ABCA7: variants seen among roughly 807,000 people sequenced by gnomAD.
ABCA7 encodes phospholipid-transporting ATPase ABCA7.
A neutral mutation model predicts 227.6 loss-of-function variants in ABCA7; 261 were observed. The ratio of observed to expected loss-of-function variants is 1.15; its 90% CI spans 1.04 to 1.27. The LOEUF (loss-of-function observed/expected upper bound fraction) is 1.27. ABCA7 is among the 50% of genes most tolerant of loss of function. The pLI is 0.00. For missense variants in ABCA7, 3,331 were observed against 2,924.5 expected, an observed-to-expected ratio of 1.14 and a Z score of -3.21; for synonymous variants, 1,488 against 1,279.7, an observed-to-expected ratio of 1.16 and a Z score of -3.47.
At chr19:1,060,207 A>ATATATATATATATATATATATATTT in intron 40 of ABCA7, among the ~76,000 whole-genome samples, 4 of 96,768 alleles carry the variant, frequency 4.1e-5, no homozygotes, top group African/African-American at 1.4e-4. Context: ...ATATATATAT[A>ATATATATATATATATATATATATTT]TTTTTTTTTC....
intron 17 of ABCA7, 73 bp downstream of exon 17, chr19:1,049,078 A>G (rs2041090195): frequency 5.2e-6 from 5 of 970,576 alleles, no homozygotes; most frequent in Non-Finnish European, 7.7e-6. Flanking sequence ...GATTCCACAG[A>G]TGCCAATGAC....
chr19:1,055,691 T>C (rs1226628389), intron 30 of ABCA7, among the ~76,000 whole-genome samples: 3 of 151,984 alleles, frequency 2.0e-5, no homozygotes, highest in Non-Finnish European at 4.4e-5. Flanking sequence ...TTAGTAGAGA[T>C]GGGGTTTCAC....
chr19:1,046,211 CA>C lies in ABCA7; in HGVS notation c.1446-18del. On this transcript the variant is annotated intron_variant, in intron 12 of 46. Coordinates refer to ENST00000263094, the MANE Select transcript of ABCA7 (RefSeq NM_019112.4). ...TTTCTAGCCCTTCCCTACAACCGGCCACCATGCCCCTCTCGCAGGTTTTGGG... is the reference window on the plus strand; with the variant it reads ...TTTCTAGCCCTTCCCTACAACCGGCCCCATGCCCCTCTCGCAGGTTTTGGG... The C allele has an allele frequency of 6.2e-7, 1 of 1,603,576 alleles. No homozygotes were observed. Among genetic ancestry groups the C allele is most frequent in the South Asian group, 1.1e-5 (1 of 90,922 alleles).
rs1445479547 is a variant in ABCA7 at position 1,056,761 on chromosome 19, G to T, written c.4587-146G>T. 1 of 1,009,076 alleles carries T rather than the reference G, an allele frequency of 9.9e-7. No homozygotes were observed. The highest frequency in any genetic ancestry group is 1.5e-6 in the Non-Finnish European group (1 of 671,352). The allele number at this position is 1,009,076 out of a possible 1,614,324, so 62.5% of individuals were successfully genotyped here. On this transcript the variant is annotated intron_variant, in intron 33 of 46. Coordinates refer to ENST00000263094, the MANE Select transcript of ABCA7 (RefSeq NM_019112.4). The surrounding 1 kb of genome is among the most constrained non-coding windows in gnomAD (Gnocchi z 4.3). ...GTACAACCTCTGCTGCCAAATCCCA[G>T]GCACCCTCATCCCTAAATTGCCCCT... is the stretch of plus-strand genomic sequence containing the variant.
In ABCA7 at chr19:1,042,337, G is replaced by C. The variant is rs1351879557; in HGVS notation, c.438G>C (p.Gln146His). The C allele has an allele frequency of 6.3e-7, 1 of 1,587,342 alleles. No homozygotes were observed. Among genetic ancestry groups the C allele is most frequent in the South Asian group, 1.1e-5 (1 of 88,242 alleles). ...RSTAQPQPTK[Q>H]SPLEPPMLDV... ...CAGCCCAGCCTCAACCAACCAAGCA[G>C]TCTCCACTGGAACCACCCATGCTGG... is the stretch of plus-strand genomic sequence containing the variant. Residue 146 changes from glutamine (Q) to histidine (H), a missense_variant, in exon 6 of 47, where the codon CAG becomes CAC. Transcript: ENST00000263094.
At chr19:1,060,832 T>G (rs2042607043) in intron 40 of ABCA7, among the ~76,000 whole-genome samples, 1 of 152,034 alleles carries the variant, frequency 6.6e-6, no homozygotes, top group Non-Finnish European at 1.5e-5. Flanking sequence ...CAGTATATCT[T>G]TACTAAGCAC....
Position 1,063,777 on chromosome 19 carries a change from C to T in ABCA7, c.5865C>T (p.Gly1955=). The change falls in exon 44 of 47, where the codon GGC becomes GGT. Residue 1955 remains glycine (G), a synonymous_variant. Transcript: ENST00000263094. ...CTCCCCAGGACGAGCCGACCACAGGCATGGACCCCAGCGCGCGGCGCTTCC... is the reference window on the plus strand; with the variant it reads ...CTCCCCAGGACGAGCCGACCACAGGTATGGACCCCAGCGCGCGGCGCTTCC... ...AVVFLDEPTT[G]MDPSARRFLW... The T allele has an allele frequency of 3.2e-6, 5 of 1,547,738 alleles. No homozygotes were observed. Among genetic ancestry groups the T allele is most frequent in the East Asian group, 2.4e-5 (1 of 41,086 alleles).
At position 1,042,302 on chromosome 19, in the gene ABCA7, G is replaced by T. The variant is rs376349607; in HGVS notation, c.416-13G>T. 1.0e-4 allele frequency: 163 copies of T among 1,574,424 alleles called. No homozygotes were observed. The highest frequency in any genetic ancestry group is 1.3e-4 in the Non-Finnish European group (148 of 1,154,458). ...TCCCCCCAGCCCCATGCTCCCGTGCGCTCCTCCCCCAGCCCAGCCTCAACC... is the reference window on the plus strand; with the variant it reads ...TCCCCCCAGCCCCATGCTCCCGTGCTCTCCTCCCCCAGCCCAGCCTCAACC... On this transcript the variant is annotated splice_polypyrimidine_tract_variant and intron_variant, in intron 5 of 46. Transcript: ENST00000263094.
rs375767923 is a variant in ABCA7 at position 1,051,161 on chromosome 19, C to A, written c.2691C>A (p.Thr897=). 6.2e-7 allele frequency: 1 copy of A among 1,611,174 alleles called. No individual in the cohort carries two copies. Among genetic ancestry groups the A allele is most frequent in the Non-Finnish European group, 8.5e-7 (1 of 1,179,900 alleles). The change falls in exon 20 of 47, where the codon ACC becomes ACA. Residue 897 remains threonine (T), a synonymous_variant. Coordinates refer to ENST00000263094, the MANE Select transcript of ABCA7 (RefSeq NM_019112.4). Reference sequence around the variant, plus strand: ...CTCTGTGCACTGGCCGCAGGCTGACCGTGGACGAGCACGTCTGGTTCTATG... The same window carrying A: ...CTCTGTGCACTGGCCGCAGGCTGACAGTGGACGAGCACGTCTGGTTCTATG... ...PQYNVLFDML[T]VDEHVWFYGR... is the part of the protein sequence containing the mutation.
intron 40 of ABCA7, among the ~76,000 whole-genome samples, chr19:1,061,381 G>C (rs11671157): frequency 0.29 from 35,122 of 119,404 alleles, 5,173 homozygotes; most frequent in Admixed American, 0.36. Context: ...ACACAGCAAG[G>C]CTCCGTCTCA....
At chr19:1,041,479 C>T (rs755667153) in intron 2 of ABCA7, 31 bp from the exon 3 acceptor site, 1 of 1,613,334 alleles carries the variant, frequency 6.2e-7, no homozygotes, top group Non-Finnish European at 8.5e-7. Flanking sequence ...CCCCCACTGT[C>T]CCCCACCGTC....
rs1313434625 is a variant in ABCA7 at position 1,041,536 on chromosome 19, G to C, written c.93G>C (p.Trp31Cys). Residue 31 changes from tryptophan to cysteine, a missense_variant, in exon 3 of 47, where the codon TGG becomes TGC. Trp to Cys is a radical substitution (Grantham distance 215, BLOSUM62 -2). Coordinates refer to ENST00000263094, the MANE Select transcript of ABCA7 (RefSeq NM_019112.4). ...TCCAGCTCCTGGTCGAATTGCTGTG[G>C]CCTCTCTTCCTCTTCTTCATCCTGG... ...QPVQLLVELLWPLFLFFILVA... is the reference protein window; with the variant it reads ...QPVQLLVELLCPLFLFFILVA... 1 of 1,613,578 alleles carries C rather than the reference G, an allele frequency of 6.2e-7. No individual in the cohort carries two copies. The highest frequency in any genetic ancestry group is 1.1e-5 in the South Asian group (1 of 91,088).
At position 1,042,321 on chromosome 19, in the gene ABCA7, C is replaced by T. The variant is rs2040128813; in HGVS notation, c.422C>T (p.Pro141Leu). The T allele has an allele frequency of 6.3e-7, 1 of 1,578,388 alleles. No homozygotes were observed. Among genetic ancestry groups the T allele is most frequent in the Non-Finnish European group, 8.6e-7 (1 of 1,156,366 alleles). ...TLRAARSTAQPQPTKQSPLEP... is the reference protein window; with the variant it reads ...TLRAARSTAQLQPTKQSPLEP... The stretch of plus-strand genomic sequence containing the variant: ...CCGTGCGCTCCTCCCCCAGCCCAGC[C>T]TCAACCAACCAAGCAGTCTCCACTG... Residue 141 changes from proline to leucine, a missense_variant, in exon 6 of 47, where the codon CCT (proline) becomes CTT (leucine). Coordinates refer to ENST00000263094, the MANE Select transcript of ABCA7 (RefSeq NM_019112.4).
intron 42 of ABCA7, among the ~76,000 whole-genome samples, chr19:1,062,604 C>T (rs188617266): frequency 3.3e-5 from 5 of 152,208 alleles, no homozygotes; most frequent in Admixed American, 1.3e-4. Flanking sequence ...TTCTGTGGCC[C>T]TGCCCACTTG....
In ABCA7 at chr19:1,047,673, G is replaced by T. The variant is rs375047698; in HGVS notation, c.2269+19G>T. On this transcript the variant is annotated intron_variant, in intron 16 of 46. Coordinates refer to ENST00000263094, the MANE Select transcript of ABCA7 (RefSeq NM_019112.4). The stretch of plus-strand genomic sequence containing the variant: ...TGCCCAGGTGGGCCGTAGGGGGCGG[G>T]GCTCCGGGCCGGGTCGCACCTGCTT... 51 of 1,575,328 alleles carry T rather than the reference G, an allele frequency of 3.2e-5. No individual in the cohort carries two copies. The African/African-American group carries it at 6.2e-4, about 19-fold the overall frequency.
Position 1,063,746 on chromosome 19 carries a change from TC to T in ABCA7, c.5848-12del. 6.5e-7 allele frequency: 1 copy of T among 1,548,550 alleles called. No individual in the cohort carries two copies. The highest frequency in any genetic ancestry group is 8.7e-7 in the Non-Finnish European group (1 of 1,146,974). ...AGGCGGGGCCTTGCTTATGGGATCT[TC>T]CGTGCTCCCCAGGACGAGCCGACCA... On this transcript the variant is annotated splice_polypyrimidine_tract_variant and intron_variant, in intron 43 of 46. Coordinates refer to ENST00000263094, the MANE Select transcript of ABCA7 (RefSeq NM_019112.4).
At chr19:1,044,931 AG>A in intron 11 of ABCA7, 70 bp from the exon 12 acceptor site, 1 of 1,560,826 alleles carries the variant, frequency 6.4e-7, no homozygotes, top group Non-Finnish European at 8.7e-7. Context: ...CCCGAGGTCC[AG>A]GGGGAGGAGC....
rs1049660656 is a variant in ABCA7 at position 1,057,236 on chromosome 19, G to T, written c.4765-78G>T. The stretch of plus-strand genomic sequence containing the variant: ...GCCTTCCTACTCAAAAAGCAAGGAG[G>T]TCAGGGTGGGAACAGGGCTGAGGGT... On this transcript the variant is annotated intron_variant, in intron 34 of 46. Transcript: ENST00000263094. 9 of 1,576,180 alleles carry T rather than the reference G, an allele frequency of 5.7e-6. No homozygotes were observed. In the African/African-American group the frequency reaches 8.1e-5, roughly 14 times the overall value.
At chr19:1,044,917 C>T (rs2040460926) in intron 11 of ABCA7, 85 bp from the exon 12 acceptor site, 13 of 1,539,480 alleles carry the variant, frequency 8.4e-6, no homozygotes, top group Non-Finnish European at 1.1e-5. Flanking sequence ...AAACATGGCC[C>T]AGCCCCGAGG....
Sources: gnomAD v4.1 joint callset for allele counts (sites outside exome capture counted in the v4.1 genomes callset) on GRCh38, gnomAD v4.1.1 for gene constraint, Gnocchi (gnomAD v3.1) non-coding constraint, MANE v1.5 for transcripts, NCBI Gene and HGNC (gene_info 2026-07-23, HGNC 2026-07-21) for gene names.